The following GJD3 variants were observed in gnomAD, a reference collection of about 807,000 sequenced individuals.
GJD3 encodes the protein gap junction delta-3 protein.
For missense variants in GJD3, 421 were observed against 448.5 expected, an observed-to-expected ratio of 0.94 and a Z score of 0.55; for synonymous variants, 217 against 226.7, an observed-to-expected ratio of 0.96 and a Z score of 0.38.
Position 40,361,605 on chromosome 17 carries a change from C to T in GJD3, c.*1326G>A, listed in dbSNP as rs1366894209. ...TCCTGGGTGATCTTATGGAGAGCAG[C>T]CCACTGGCTGGTGAAGGGGGAGGGC... On this transcript the variant is annotated 3_prime_UTR_variant, in exon 1 of 1. Transcript: ENST00000578689. Among the ~76,000 whole-genome samples, 1 of 152,136 alleles carries T rather than the reference C, an allele frequency of 6.6e-6. No homozygotes were observed. Among genetic ancestry groups the T allele is most frequent in the Non-Finnish European group, 1.5e-5 (1 of 68,016 alleles).
In GJD3 at chr17:40,364,023, G is replaced by T; in HGVS notation, c.-208C>A. On this transcript the variant is annotated 5_prime_UTR_variant, in exon 1 of 1. Transcript: ENST00000578689. ...GGGGAGCAGGCGACGCTCAGCTATGGGTTACCTTCTCTTTGGGACCGATGG... is the reference window on the plus strand; with the variant it reads ...GGGGAGCAGGCGACGCTCAGCTATGTGTTACCTTCTCTTTGGGACCGATGG... 1.6e-6 allele frequency: 1 copy of T among 640,562 alleles called. No individual in the cohort carries two copies. The highest frequency in any genetic ancestry group is 2.1e-5 in the South Asian group (1 of 48,616). 39.7% of individuals were successfully genotyped at this position (640,562 alleles called of 1,614,324 possible). A position where few individuals can be genotyped will look rare whatever the true frequency, so the allele number is the denominator to read the frequency against.
chr17:40,361,537 G>A lies in GJD3; in HGVS notation c.*1394C>T, dbSNP rs1364950438. Among the ~76,000 whole-genome samples the A allele has an allele frequency of 6.6e-6, 1 of 152,200 alleles. No individual in the cohort carries two copies. Among genetic ancestry groups the A allele is most frequent in the Admixed American group, 6.5e-5 (1 of 15,282 alleles). On this transcript the variant is annotated 3_prime_UTR_variant, in exon 1 of 1. Transcript: ENST00000578689. ...TGGTAGGCAGGATGCGGTGAGGCCC[G>A]CAAGGTGCAGTCCGATGACGGCCCC...
In GJD3 at chr17:40,364,050, T is replaced by C. The variant is rs2034779706; in HGVS notation, c.-235A>G. On this transcript the variant is annotated 5_prime_UTR_variant, in exon 1 of 1. Coordinates refer to ENST00000578689, the MANE Select transcript of GJD3 (RefSeq NM_152219.4). The stretch of plus-strand genomic sequence containing the variant: ...TTACCTTCTCTTTGGGACCGATGGG[T>C]GCTGGGGAGGATCCCCCATTTGCAT... 1.9e-6 allele frequency: 1 copy of C among 530,168 alleles called. No homozygotes were observed. Among genetic ancestry groups the C allele is most frequent in the East Asian group, 3.4e-5 (1 of 29,284 alleles). 32.8% of individuals were successfully genotyped at this position (530,168 alleles called of 1,614,324 possible).
Position 40,362,587 on chromosome 17 carries a change from C to T in GJD3, c.*344G>A, listed in dbSNP as rs1279342288. 6.6e-6 allele frequency among the ~76,000 whole-genome samples: 1 copy of T among 152,174 alleles called. No homozygotes were observed. Among genetic ancestry groups the T allele is most frequent in the East Asian group, 1.9e-4 (1 of 5,194 alleles). On this transcript the variant is annotated 3_prime_UTR_variant, in exon 1 of 1. Transcript: ENST00000578689. The stretch of plus-strand genomic sequence containing the variant: ...TGCTGGCATCACAGTTGTTTTTGTC[C>T]CCAGTAAAACAACCACTCTCCACCT...
chr17:40,363,382 A>G lies in GJD3; in HGVS notation c.434T>C (p.Leu145Pro), dbSNP rs947016327. 6.2e-5 allele frequency: 87 copies of G among 1,395,890 alleles called. No homozygotes were observed. Among genetic ancestry groups the G allele is most frequent in the Non-Finnish European group, 7.9e-5 (85 of 1,074,162 alleles). 86.5% of individuals were successfully genotyped at this position (1,395,890 alleles called of 1,614,324 possible). The part of the protein sequence containing the change: ...CYLLSVALRL[L>P]AELTFLGGQA... Reference sequence around the variant, plus strand: ...GCCGCCCAGGAAGGTCAGCTCGGCCAGCAGGCGCAGCGCCACGCTCAGCAG... The same window carrying G: ...GCCGCCCAGGAAGGTCAGCTCGGCCGGCAGGCGCAGCGCCACGCTCAGCAG... The change falls in exon 1 of 1, where the codon CTG (leucine) becomes CCG (proline). Residue 145 changes from leucine to proline, a missense_variant. Coordinates refer to ENST00000578689, the MANE Select transcript of GJD3 (RefSeq NM_152219.4). The surrounding 1 kb of genome is among the most constrained non-coding windows in gnomAD (Gnocchi z 5.5).
chr17:40,363,694 C>T lies in GJD3; in HGVS notation c.122G>A (p.Gly41Asp). Residue 41 changes from glycine to aspartate, a missense_variant, in exon 1 of 1, where the codon GGC becomes GAC. Physicochemically the swap from Gly to Asp is moderately conservative, Grantham distance 94. Transcript: ENST00000578689. This position sits in a 1 kb window ranked among gnomAD's most constrained non-coding sequence, Gnocchi z 5.5. ...TTGCTCGTCCTCGAACACGGCGCCG[C>T]CCACCGTGGCCAGCACCAGGATGCG... ...IFRILVLATV[G>D]GAVFEDEQEE... 1 of 1,610,004 alleles carries T rather than the reference C, an allele frequency of 6.2e-7. No homozygotes were observed.
Position 40,363,519 on chromosome 17 carries a change from C to G in GJD3, c.297G>C (p.Arg99=). The G allele has an allele frequency of 6.4e-7, 1 of 1,557,816 alleles. No homozygotes were observed. The highest frequency in any genetic ancestry group is 8.7e-7 in the Non-Finnish European group (1 of 1,152,000). ...PVLFVVYSMH[R]AGKEAGGAEA... is the part of the protein sequence containing the mutation. ...CAGCGCCGCCCGCCTCCTTGCCTGC[C>G]CGGTGCATGGAGTAGACGACGAACA... is the stretch of plus-strand genomic sequence containing the variant. Residue 99 remains arginine (R), a synonymous_variant, in exon 1 of 1, where the codon CGG becomes CGC. Coordinates refer to ENST00000578689, the MANE Select transcript of GJD3 (RefSeq NM_152219.4). The surrounding 1 kb of genome is among the most constrained non-coding windows in gnomAD (Gnocchi z 5.5).
At position 40,364,090 on chromosome 17, in the gene GJD3, C is replaced by G; in HGVS notation, c.-275G>C. 2.4e-6 allele frequency: 1 copy of G among 414,126 alleles called. No individual in the cohort carries two copies. Among genetic ancestry groups the G allele is most frequent in the Non-Finnish European group, 4.5e-6 (1 of 219,786 alleles). 25.7% of individuals were successfully genotyped at this position (414,126 alleles called of 1,614,324 possible). On this transcript the variant is annotated 5_prime_UTR_variant, in exon 1 of 1. Coordinates refer to ENST00000578689, the MANE Select transcript of GJD3 (RefSeq NM_152219.4). ...CCCATTTGCATTTTAGCCGCACCCCCTGAGCCGTCTCCGTTCGACCCTGGG... is the reference window on the plus strand; with the variant it reads ...CCCATTTGCATTTTAGCCGCACCCCGTGAGCCGTCTCCGTTCGACCCTGGG...
In GJD3 at chr17:40,363,520, C is replaced by T. The variant is rs758206419; in HGVS notation, c.296G>A (p.Arg99Gln). ...AGCGCCGCCCGCCTCCTTGCCTGCC[C>T]GGTGCATGGAGTAGACGACGAACAG... ...PVLFVVYSMH[R>Q]AGKEAGGAEA... The change falls in exon 1 of 1, where the codon CGG becomes CAG. Residue 99 changes from arginine (R) to glutamine (Q), a missense_variant. Coordinates refer to ENST00000578689, the MANE Select transcript of GJD3 (RefSeq NM_152219.4). This position sits in a 1 kb window ranked among gnomAD's most constrained non-coding sequence, Gnocchi z 5.5. 14 of 1,558,254 alleles carry T rather than the reference C, an allele frequency of 9.0e-6. No individual in the cohort carries two copies. The East Asian group carries it at 3.4e-4, about 38-fold the overall frequency.
rs1052623181 is a variant in GJD3 at position 40,363,146 on chromosome 17, C to T, written c.670G>A (p.Asp224Asn). 284 of 1,410,056 alleles carry T rather than the reference C, an allele frequency of 2.0e-4. No homozygotes were observed. Among genetic ancestry groups the T allele is most frequent in the Non-Finnish European group, 2.5e-4 (267 of 1,078,908 alleles). The allele number at this position is 1,410,056 out of a possible 1,614,324, so 87.3% of individuals were successfully genotyped here. Residue 224 changes from aspartate to asparagine, a missense_variant, in exon 1 of 1, where the codon GAC becomes AAC. Coordinates refer to ENST00000578689, the MANE Select transcript of GJD3 (RefSeq NM_152219.4). The surrounding 1 kb of genome is among the most constrained non-coding windows in gnomAD (Gnocchi z 5.5). The part of the protein sequence containing the change: ...WKGRPRAGER[D>N]NRCNRAHEEA... Reference sequence around the variant, plus strand: ...TCGTGTGCACGGTTGCAGCGGTTGTCACGCTCCCCGGCGCGCGGGCGGCCC... The same window carrying T: ...TCGTGTGCACGGTTGCAGCGGTTGTTACGCTCCCCGGCGCGCGGGCGGCCC...
rs971938573 is a variant in GJD3, at chr17:40,362,977, C to G, written c.839G>C (p.Arg280Pro). ...GCCGGTGGCCGGTGACGCCTTGCCG[C>G]GGCCGCTGCCGCACTCGCGGAGGCT... The part of the protein sequence containing the change: ...PASLRECGSG[R>P]GKASPATGRR... Residue 280 changes from arginine to proline, a missense_variant, in exon 1 of 1, where the codon CGC becomes CCC. Coordinates refer to ENST00000578689, the MANE Select transcript of GJD3 (RefSeq NM_152219.4). 21 of 1,235,524 alleles carry G rather than the reference C, an allele frequency of 1.7e-5. No individual in the cohort carries two copies. Among genetic ancestry groups the G allele is most frequent in the Non-Finnish European group, 2.0e-5 (20 of 987,670 alleles). 76.5% of individuals were successfully genotyped at this position (1,235,524 alleles called of 1,614,324 possible).
Position 40,363,382 on chromosome 17 carries a change from A to C in GJD3, c.434T>G (p.Leu145Arg). 1 of 1,395,998 alleles carries C rather than the reference A, an allele frequency of 7.2e-7. No homozygotes were observed. The highest frequency in any genetic ancestry group is 9.3e-7 in the Non-Finnish European group (1 of 1,074,152). 86.5% of individuals were successfully genotyped at this position (1,395,998 alleles called of 1,614,324 possible). ...CYLLSVALRL[L>R]AELTFLGGQA... is the part of the protein sequence containing the mutation. Reference sequence around the variant, plus strand: ...GCCGCCCAGGAAGGTCAGCTCGGCCAGCAGGCGCAGCGCCACGCTCAGCAG... The same window carrying C: ...GCCGCCCAGGAAGGTCAGCTCGGCCCGCAGGCGCAGCGCCACGCTCAGCAG... Residue 145 changes from leucine to arginine, a missense_variant, in exon 1 of 1, where the codon CTG becomes CGG. Physicochemically the swap from Leu to Arg is moderately radical, Grantham distance 102. Transcript: ENST00000578689. The surrounding 1 kb of genome is among the most constrained non-coding windows in gnomAD (Gnocchi z 5.5).
Position 40,361,132 on chromosome 17 carries a change from C to A in GJD3, c.*1799G>T, listed in dbSNP as rs2034748838. On this transcript the variant is annotated 3_prime_UTR_variant, in exon 1 of 1. Transcript: ENST00000578689. ...TGTCTGTTTTCTTCCCAAGTGACAA[C>A]AATAGGTGGGTGGGCATTAGCTAGG... 1 of 417,908 alleles carries A rather than the reference C, an allele frequency of 2.4e-6. No homozygotes were observed. 25.9% of individuals were successfully genotyped at this position (417,908 alleles called of 1,614,324 possible). A position where few individuals can be genotyped will look rare whatever the true frequency, so the allele number is the denominator to read the frequency against.
chr17:40,363,390 C>T lies in GJD3; in HGVS notation c.426G>A (p.Leu142=). ...ARRCYLLSVA[L]RLLAELTFLG... ...GGAAGGTCAGCTCGGCCAGCAGGCGCAGCGCCACGCTCAGCAGGTAGCAGC... is the reference window on the plus strand; with the variant it reads ...GGAAGGTCAGCTCGGCCAGCAGGCGTAGCGCCACGCTCAGCAGGTAGCAGC... The change falls in exon 1 of 1, where the codon CTG becomes CTA. Residue 142 remains leucine (L), a synonymous_variant. Coordinates refer to ENST00000578689, the MANE Select transcript of GJD3 (RefSeq NM_152219.4). The surrounding 1 kb of genome is among the most constrained non-coding windows in gnomAD (Gnocchi z 5.5). 7.2e-7 allele frequency: 1 copy of T among 1,386,488 alleles called. No individual in the cohort carries two copies. Among genetic ancestry groups the T allele is most frequent in the Non-Finnish European group, 9.3e-7 (1 of 1,069,868 alleles). The allele number at this position is 1,386,488 out of a possible 1,614,324, so 85.9% of individuals were successfully genotyped here.
At position 40,360,980 on chromosome 17, in the gene GJD3, A is replaced by G. The variant is rs1175378099; in HGVS notation, c.*1951T>C. The G allele has an allele frequency of 4.4e-6, 2 of 456,524 alleles. No individual in the cohort carries two copies. The highest frequency in any genetic ancestry group is 6.9e-5 in the East Asian group (1 of 14,404). The allele number at this position is 456,524 out of a possible 1,614,324, so 28.3% of individuals were successfully genotyped here. A position where few individuals can be genotyped will look rare whatever the true frequency, so the allele number is the denominator to read the frequency against. ...CATCCAACACATATTTACTGAGCAC[A>G]TACTACGTGCCATGGAAGGGGAGAG... On this transcript the variant is annotated 3_prime_UTR_variant, in exon 1 of 1. Coordinates refer to ENST00000578689, the MANE Select transcript of GJD3 (RefSeq NM_152219.4).
rs917021856 is a variant in GJD3 at position 40,361,811 on chromosome 17, G to T, written c.*1120C>A. ...GTTTATAGCCTGGGGGAGCAGTAGC[G>T]GCGGGGAGGATGAAGATGGAGGAGG... On this transcript the variant is annotated 3_prime_UTR_variant, in exon 1 of 1. Transcript: ENST00000578689. 6.6e-6 allele frequency among the ~76,000 whole-genome samples: 1 copy of T among 152,138 alleles called. No homozygotes were observed. Among genetic ancestry groups the T allele is most frequent in the Non-Finnish European group, 1.5e-5 (1 of 67,990 alleles).
rs2034746524 is a variant in GJD3, at chr17:40,360,873, C to A, written c.*2058G>T. On this transcript the variant is annotated 3_prime_UTR_variant, in exon 1 of 1. Coordinates refer to ENST00000578689, the MANE Select transcript of GJD3 (RefSeq NM_152219.4). ...GTCTGGGTTGTGGACACAGAACTGT[C>A]ATCAGAGAGATGGTGCCCACCATAG... is the stretch of plus-strand genomic sequence containing the variant. 2.5e-6 allele frequency: 1 copy of A among 397,896 alleles called. No individual in the cohort carries two copies. Among genetic ancestry groups the A allele is most frequent in the Non-Finnish European group, 5.0e-6 (1 of 199,230 alleles). The allele number at this position is 397,896 out of a possible 1,614,324, so 24.6% of individuals were successfully genotyped here. A position where few individuals can be genotyped will look rare whatever the true frequency, so the allele number is the denominator to read the frequency against.
Position 40,363,252 on chromosome 17 carries a change from G to A in GJD3, c.564C>T (p.Thr188=). 2 of 1,442,320 alleles carry A rather than the reference G, an allele frequency of 1.4e-6. No individual in the cohort carries two copies. The highest frequency in any genetic ancestry group is 1.8e-6 in the Non-Finnish European group (2 of 1,095,800). 89.3% of individuals were successfully genotyped at this position (1,442,320 alleles called of 1,614,324 possible). A position where few individuals can be genotyped will look rare whatever the true frequency, so the allele number is the denominator to read the frequency against. The change falls in exon 1 of 1, where the codon ACC becomes ACT. Residue 188 remains threonine (T), a synonymous_variant. Transcript: ENST00000578689. This position sits in a 1 kb window ranked among gnomAD's most constrained non-coding sequence, Gnocchi z 5.5. ...DCFVSRPTEK[T]VFVLFYFAVG... Reference sequence around the variant, plus strand: ...CCGCGAAATAGAAGAGCACGAAGACGGTCTTCTCGGTGGGCCGGCTCACGA... The same window carrying A: ...CCGCGAAATAGAAGAGCACGAAGACAGTCTTCTCGGTGGGCCGGCTCACGA...
rs2034747412 is a variant in GJD3 at position 40,360,980 on chromosome 17, ATAC to A, written c.*1948_*1950del. ...CATCCAACACATATTTACTGAGCAC[ATAC>A]TACGTGCCATGGAAGGGGAGAGAGC... is the stretch of plus-strand genomic sequence containing the variant. On this transcript the variant is annotated 3_prime_UTR_variant, in exon 1 of 1. Coordinates refer to ENST00000578689, the MANE Select transcript of GJD3 (RefSeq NM_152219.4). 1 of 456,524 alleles carries A rather than the reference ATAC, an allele frequency of 2.2e-6. No homozygotes were observed. The highest frequency in any genetic ancestry group is 4.4e-6 in the Non-Finnish European group (1 of 226,932). 28.3% of individuals were successfully genotyped at this position (456,524 alleles called of 1,614,324 possible). A position where few individuals can be genotyped will look rare whatever the true frequency, so the allele number is the denominator to read the frequency against.
Sources: gnomAD v4.1 joint callset for allele counts (sites outside exome capture counted in the v4.1 genomes callset) on GRCh38, gnomAD v4.1.1 for gene constraint, Gnocchi (gnomAD v3.1) non-coding constraint, MANE v1.5 for transcripts, NCBI Gene and HGNC (gene_info 2026-07-23, HGNC 2026-07-21) for gene names.